XKR4: variants seen among roughly 807,000 people sequenced by gnomAD.
XKR4 encodes the protein XK-related protein 4.
A neutral mutation model predicts 53.9 loss-of-function variants in XKR4; 12 were observed. The observed-to-expected ratio is 0.22, with a 90% CI of 0.14 to 0.36. XKR4 has a LOEUF of 0.36. Ranked by LOEUF, XKR4 falls within the 10% of genes least tolerant of loss-of-function variation. The pLI is 1.00. For missense variants in XKR4, 799 were observed against 859.5 expected, an observed-to-expected ratio of 0.93 and a Z score of 0.88; for synonymous variants, 354 against 362.4, an observed-to-expected ratio of 0.98 and a Z score of 0.26.
intron 1 of XKR4, among the ~76,000 whole-genome samples, chr8:55,336,038 T>C (rs1585526665): frequency 1.3e-5 from 1 of 75,388 alleles, no homozygotes; most frequent in African/African-American, 5.5e-5. Context: ...TGCAACTCTA[T>C]ACCAAAAAAA....
intron 1 of XKR4, among the ~76,000 whole-genome samples, chr8:55,137,191 C>T (rs1419831975): frequency 6.6e-6 from 1 of 151,778 alleles, no homozygotes; most frequent in Non-Finnish European, 1.5e-5. Context: ...AGAAGACCTT[C>T]TACAAAGTCA....
chr8:55,247,860 T>TTC lies in XKR4; in HGVS notation c.807-109817_807-109816insCT, dbSNP rs760867461. On this transcript the variant is annotated intron_variant, in intron 1 of 2. Coordinates refer to ENST00000327381, the MANE Select transcript of XKR4 (RefSeq NM_052898.2). ...TTTTCTTTCTTTCTTTCTTTCTTTT[T>TTC]TTTTTTTTTTTTTTGAGACAGAGTC... Among the ~76,000 whole-genome samples, 35 of 105,430 alleles carry TTC rather than the reference T, an allele frequency of 3.3e-4. 1 individual carries two copies. The highest frequency in any genetic ancestry group is 2.1e-3 in the East Asian group (7 of 3,366). The allele number at this position is 105,430 out of a possible 152,430, so 69.2% of individuals were successfully genotyped here.
intron 1 of XKR4, among the ~76,000 whole-genome samples, chr8:55,185,914 C>T (rs1003590406): frequency 1.3e-5 from 2 of 152,088 alleles, no homozygotes; most frequent in African/African-American, 4.8e-5. Context: ...CCCTCTTAGA[C>T]TCAAAAAAGG....
At chr8:55,452,614 C>T (rs895704309) in intron 2 of XKR4, 20 of 1,143,322 alleles carry the variant, frequency 1.7e-5, no homozygotes, top group East Asian at 4.7e-5. Flanking sequence ...TTTATCTGGA[C>T]GATGTCTGGC....
intron 2 of XKR4, among the ~76,000 whole-genome samples, chr8:55,371,483 T>G (rs1298980596): frequency 6.6e-6 from 1 of 152,218 alleles, no homozygotes; most frequent in African/African-American, 2.4e-5. Context: ...AGTCTGTCTT[T>G]GCATTGTTCA....
In XKR4 at chr8:55,528,187, C is replaced by T. The variant is rs749391365; in HGVS notation, c.*3960C>T. 2.6e-5 allele frequency: 4 copies of T among 152,206 alleles called. No homozygotes were observed. The highest frequency in any genetic ancestry group is 7.2e-5 in the African/African-American group (3 of 41,454). 9.4% of individuals were successfully genotyped at this position (152,206 alleles called of 1,614,324 possible). A position where few individuals can be genotyped will look rare whatever the true frequency, so the allele number is the denominator to read the frequency against. On this transcript the variant is annotated 3_prime_UTR_variant, in exon 3 of 3. Transcript: ENST00000327381. ...CCAAGCTTACAGTCCATCTATAAGA[C>T]CAACACACTTACGAACTTCAGTTGG...
chr8:55,359,927 T>A (rs1010551498), intron 2 of XKR4, among the ~76,000 whole-genome samples: 3 of 152,192 alleles, frequency 2.0e-5, no homozygotes, highest in Admixed American at 2.0e-4. Flanking sequence ...TGTCCCCAGC[T>A]AACCGATTAA....
chr8:55,325,161 A>C (rs538015850), intron 1 of XKR4, among the ~76,000 whole-genome samples: 3 of 152,354 alleles, frequency 2.0e-5, no homozygotes, highest in African/African-American at 7.2e-5. Flanking sequence ...ACCTAGTTAA[A>C]GGGTAAAATA....
chr8:55,350,583 A>G (rs1803710746), intron 1 of XKR4, among the ~76,000 whole-genome samples: 1 of 152,190 alleles, frequency 6.6e-6, no homozygotes, highest in Admixed American at 6.5e-5. Context: ...TTATATCCAG[A>G]GAAGATATCC....
chr8:55,477,045 T>G (rs4401831), intron 2 of XKR4, among the ~76,000 whole-genome samples: 52,132 of 151,898 alleles, frequency 0.34, 10,904 homozygotes, highest in African/African-American at 0.6. Context: ...GAAGAGAGTA[T>G]TGGTTCTCCC....
intron 2 of XKR4, among the ~76,000 whole-genome samples, chr8:55,371,477 T>C (rs758081526): frequency 6.6e-6 from 1 of 152,244 alleles, no homozygotes. Flanking sequence ...CTTTTGAGTC[T>C]GTCTTTGCAT....
chr8:55,479,300 C>T (rs1305060781), intron 2 of XKR4, among the ~76,000 whole-genome samples: 1 of 152,058 alleles, frequency 6.6e-6, no homozygotes, highest in African/African-American at 2.4e-5. Flanking sequence ...TGAATGACTT[C>T]TGGGTACATA....
chr8:55,175,041 A>G (rs1817212111), intron 1 of XKR4, among the ~76,000 whole-genome samples: 2 of 152,350 alleles, frequency 1.3e-5, no homozygotes, highest in African/African-American at 4.8e-5. Context: ...TTACACATGT[A>G]CACACACTAT....
At chr8:55,170,334 G>T (rs939014176) in intron 1 of XKR4, among the ~76,000 whole-genome samples, 1 of 152,150 alleles carries the variant, frequency 6.6e-6, no homozygotes, top group African/African-American at 2.4e-5. Flanking sequence ...GATTATGTAG[G>T]GGTGTGTTGT....
At chr8:55,262,997 C>T (rs1011732661) in intron 1 of XKR4, among the ~76,000 whole-genome samples, 16 of 152,290 alleles carry the variant, frequency 1.1e-4, no homozygotes, top group East Asian at 1.9e-4. Flanking sequence ...CTTCCCCACA[C>T]GCCCTGCACA....
At chr8:55,433,780 C>T (rs1441601535) in intron 2 of XKR4, among the ~76,000 whole-genome samples, 1 of 152,164 alleles carries the variant, frequency 6.6e-6, no homozygotes, top group Non-Finnish European at 1.5e-5. Flanking sequence ...AATCCCAGCA[C>T]TTAGAGAAGC....
chr8:55,150,949 G>A (rs560473626), intron 1 of XKR4, among the ~76,000 whole-genome samples: 5 of 152,238 alleles, frequency 3.3e-5, no homozygotes, highest in South Asian at 2.1e-4. Flanking sequence ...GCACCATTCC[G>A]TCTAACCTTT....
intron 1 of XKR4, among the ~76,000 whole-genome samples, chr8:55,222,582 A>G (rs951566343): frequency 6.6e-6 from 1 of 152,288 alleles, no homozygotes; most frequent in African/African-American, 2.4e-5. Context: ...AGCAATCCAC[A>G]CGTATTTTAT....
At chr8:55,112,540 G>A (rs1439802780) in intron 1 of XKR4, among the ~76,000 whole-genome samples, 1 of 131,224 alleles carries the variant, frequency 7.6e-6, no homozygotes, top group African/African-American at 2.8e-5. Context: ...CTCAGTCTGG[G>A]GCTGAATTCT....
Sources: allele counts gnomAD v4.1 joint callset (sites outside exome capture counted in the v4.1 genomes callset), GRCh38; gene constraint gnomAD v4.1.1; transcripts MANE v1.5; gene names NCBI Gene and HGNC (gene_info 2026-07-23, HGNC 2026-07-21).